TEAD3: variants seen among roughly 807,000 people sequenced by gnomAD.
TEAD3 encodes the protein transcriptional enhancer factor TEF-5.
A neutral mutation model predicts 55.6 loss-of-function variants in TEAD3; 15 were observed. The ratio of observed to expected loss-of-function variants is 0.27; its 90% confidence interval spans 0.18 to 0.42. The LOEUF (loss-of-function observed/expected upper bound fraction) is 0.42, where lower values mean the gene tolerates loss of function less well. Ranked by LOEUF, TEAD3 falls within the 10% of genes least tolerant of loss-of-function variation. The pLI, the probability that TEAD3 is intolerant of heterozygous loss-of-function variation, is 1.00. For missense variants in TEAD3, 407 were observed against 576.8 expected (o/e 0.71, Z 3.01); for synonymous variants, 210 against 232.2 (o/e 0.90, Z 0.87).
rs551848862 is a variant in TEAD3 at position 35,491,150 on chromosome 6, T to C, written c.-49-4439A>G. Among the ~76,000 whole-genome samples the C allele has an allele frequency of 3.3e-5, 5 of 150,868 alleles. No individual in the cohort carries two copies. In the East Asian group the frequency reaches 9.8e-4, roughly 30 times the overall value. The stretch of plus-strand genomic sequence containing the variant: ...GTGACAGACAGAAAGCCCAACCCAG[T>C]GGGGGACAGACCAGAGCCCCGCAGA... On this transcript the variant is annotated intron_variant, in intron 1 of 12. Coordinates refer to ENST00000639578, the Ensembl canonical transcript of TEAD3. This position sits in a 1 kb window ranked among gnomAD's most constrained non-coding sequence, Gnocchi z 4.4.
chr6:35,478,007 C>T (rs1009601466), intron 7 of TEAD3, among the ~76,000 whole-genome samples: 6 of 149,312 alleles, frequency 4.0e-5, no homozygotes, highest in African/African-American at 1.3e-4. Flanking sequence ...CGCACCACCA[C>T]ACCCAGCTAA....
intron 3 of TEAD3, among the ~76,000 whole-genome samples, chr6:35,481,550 G>A (rs924707718): frequency 6.6e-6 from 1 of 152,180 alleles, no homozygotes; most frequent in Non-Finnish European, 1.5e-5. Context: ...ACCACTTCAC[G>A]CTGTGACAGT....
chr6:35,480,396 G>T, intron 3 of TEAD3, 22 bp from the exon 4 acceptor site: 1 of 1,612,888 alleles, frequency 6.2e-7, no homozygotes, highest in Non-Finnish European at 8.5e-7. Context: ...CCCGCGCCCC[G>T]CCAGAGAGGA....
At chr6:35,489,844 G>C (rs1350314910) in intron 1 of TEAD3, among the ~76,000 whole-genome samples, 1 of 152,042 alleles carries the variant, frequency 6.6e-6, no homozygotes, top group Non-Finnish European at 1.5e-5. Context: ...GACCAGCCTG[G>C]ACAACATAGT....
exon 5 of TEAD3, chr6:35,479,307 G>T: frequency 6.2e-7 from 1 of 1,614,004 alleles, no homozygotes; most frequent in African/African-American, 1.3e-5. Context: ...CTACTTACCA[G>T]GTTCATGGCC....
chr6:35,475,602 C>T lies in TEAD3; in HGVS notation c.1005G>A (p.Val335=). ...CTACCACCTGTTTGCCAAAGGAGCA[C>T]ACCTTGGTGGAGACGCTGATGGTCA... Residue 335 remains valine, a synonymous_variant, in exon 11 of 13, where the codon GTG becomes GTA. Transcript: ENST00000639578. This position sits in a 1 kb window ranked among gnomAD's most constrained non-coding sequence, Gnocchi z 5.4. The T allele has an allele frequency of 1.2e-6, 2 of 1,613,232 alleles. No individual in the cohort carries two copies. The highest frequency in any genetic ancestry group is 1.7e-6 in the Non-Finnish European group (2 of 1,179,390).
rs937526292 is a variant in TEAD3 at position 35,479,204 on chromosome 6, C to G, written c.342+101G>C. 6.1e-6 allele frequency: 9 copies of G among 1,480,588 alleles called. No individual in the cohort carries two copies. The African/African-American group carries it at 1.3e-4, about 21-fold the overall frequency. The allele number at this position is 1,480,588 out of a possible 1,614,324, so 91.7% of individuals were successfully genotyped here. On this transcript the variant is annotated intron_variant, in intron 5 of 12. Coordinates refer to ENST00000639578, the Ensembl canonical transcript of TEAD3. ...TTTCGTTTTTTTAAAATGAGGCTTG[C>G]ACACCTATTAAGTTGGTTTCATAAT...
At chr6:35,482,728 A>G (rs1350716361) in intron 3 of TEAD3, among the ~76,000 whole-genome samples, 2 of 152,160 alleles carry the variant, frequency 1.3e-5, no homozygotes, top group East Asian at 1.9e-4. Context: ...CATGGCCAAC[A>G]TCGCGAGACC....
chr6:35,489,941 G>A (rs1168045753), intron 1 of TEAD3, among the ~76,000 whole-genome samples: 7 of 152,030 alleles, frequency 4.6e-5, no homozygotes, highest in South Asian at 2.1e-4. Context: ...TGCTAGCTGG[G>A]TGGGGGCACC....
chr6:35,476,315 C>T lies in TEAD3; in HGVS notation c.713G>A (p.Arg238Gln), dbSNP rs770285984. The T allele has an allele frequency of 5.6e-6, 9 of 1,611,982 alleles. No homozygotes were observed. In the East Asian group the frequency reaches 6.7e-5, roughly 12 times the overall value. The change falls in exon 9 of 13, where the codon CGA becomes CAA. Residue 238 changes from arginine to glutamine, a missense_variant. Physicochemically the swap from Arg to Gln is conservative, Grantham distance 43. Coordinates refer to ENST00000639578, the Ensembl canonical transcript of TEAD3. ...CAAACACGTTACCGTGTCAGGGTCT[C>T]GCTGCACCTCCATGAAGGCTGAATA...
At chr6:35,493,881 G>A (rs1185626081) in intron 1 of TEAD3, among the ~76,000 whole-genome samples, 1 of 152,228 alleles carries the variant, frequency 6.6e-6, no homozygotes, top group Admixed American at 6.5e-5. Context: ...ACACACAGAT[G>A]GCTAGGCAGC....
At chr6:35,487,385 C>G (rs1768407818) in intron 1 of TEAD3, among the ~76,000 whole-genome samples, 1 of 152,044 alleles carries the variant, frequency 6.6e-6, no homozygotes, top group African/African-American at 2.4e-5. Flanking sequence ...AACCCCATCT[C>G]TACTAAAAAT....
rs995582561 is a variant in TEAD3, at chr6:35,483,735, C to T, written c.267+825G>A. On this transcript the variant is annotated intron_variant, in intron 3 of 12. Transcript: ENST00000639578. The surrounding 1 kb of genome is among the most constrained non-coding windows in gnomAD (Gnocchi z 4.5). The stretch of plus-strand genomic sequence containing the variant: ...CGCTGCCCCTTGGGGAACCTGTCCC[C>T]CATGTCTCCTGCTGAGTGTCCCCTA... Among the ~76,000 whole-genome samples the T allele has an allele frequency of 1.3e-5, 2 of 152,194 alleles. No homozygotes were observed. The highest frequency in any genetic ancestry group is 4.8e-5 in the African/African-American group (2 of 41,438).
At chr6:35,478,600 G>A (rs1459878949) in intron 5 of TEAD3, 29 bp from the exon 6 acceptor site, 10 of 1,562,078 alleles carry the variant, frequency 6.4e-6, no homozygotes, top group Non-Finnish European at 8.7e-6. Flanking sequence ...ATGAAGCCAG[G>A]GCCACGCTGG....
chr6:35,487,069 T>C (rs930728197), intron 1 of TEAD3, among the ~76,000 whole-genome samples: 1 of 152,242 alleles, frequency 6.6e-6, no homozygotes, highest in Admixed American at 6.5e-5. Context: ...GTAACAACAA[T>C]GCCTCATACC....
In TEAD3 at chr6:35,486,941, G is replaced by C. The variant is rs975098507; in HGVS notation, c.-49-230C>G. On this transcript the variant is annotated intron_variant, in intron 1 of 12. Coordinates refer to ENST00000639578, the Ensembl canonical transcript of TEAD3. This position sits in a 1 kb window ranked among gnomAD's most constrained non-coding sequence, Gnocchi z 7.3. Reference sequence around the variant, plus strand: ...TCTCTAGGCCTCAGTCCTGTAAAACGAGAAAAGGGTCTCCTTGAGGAGACC... The same window carrying C: ...TCTCTAGGCCTCAGTCCTGTAAAACCAGAAAAGGGTCTCCTTGAGGAGACC... 6.6e-6 allele frequency among the ~76,000 whole-genome samples: 1 copy of C among 152,166 alleles called. No individual in the cohort carries two copies. Among genetic ancestry groups the C allele is most frequent in the African/African-American group, 2.4e-5 (1 of 41,440 alleles).
intron 7 of TEAD3, among the ~76,000 whole-genome samples, chr6:35,477,698 C>T (rs990075330): frequency 2.1e-5 from 3 of 146,110 alleles, no homozygotes; most frequent in African/African-American, 7.6e-5. Flanking sequence ...CACACTTGAC[C>T]ACCTGACTTG....
At chr6:35,489,406 G>A (rs1263543523) in intron 1 of TEAD3, among the ~76,000 whole-genome samples, 1 of 152,196 alleles carries the variant, frequency 6.6e-6, no homozygotes, top group Non-Finnish European at 1.5e-5. Flanking sequence ...GGTGCTGAGA[G>A]ACCCCACCAC....
downstream of TEAD3, chr6:35,474,013 A>G (rs1198350251): frequency 6.6e-6 from 1 of 152,384 alleles, no homozygotes; most frequent in African/African-American, 2.4e-5. Context: ...CTAGGCAGGT[A>G]GATTGAGGTG....
Sources: allele counts gnomAD v4.1 joint callset (sites outside exome capture counted in the v4.1 genomes callset), GRCh38; gene constraint gnomAD v4.1.1; non-coding constraint Gnocchi (gnomAD v3.1); transcripts MANE v1.5; gene names NCBI Gene and HGNC (gene_info 2026-07-23, HGNC 2026-07-21).